The following RBM12B variants were observed in gnomAD, a reference collection of about 807,000 sequenced individuals.
RBM12B encodes RNA binding motif protein 12B.
RBM12B carries 10 observed loss-of-function variants against 34.3 expected under a neutral mutation model. The observed-to-expected ratio is 0.29, with a 90% CI of 0.18 to 0.49. The LOEUF (loss-of-function observed/expected upper bound fraction) is 0.49, where lower values mean the gene tolerates loss of function less well. RBM12B is among the 20% of genes least tolerant of loss of function. RBM12B has a pLI of 0.99. For missense variants in RBM12B, 1,139 were observed against 1,262.7 expected, an observed-to-expected ratio of 0.90 and a Z score of 1.48; for synonymous variants, 477 against 437.1, an observed-to-expected ratio of 1.09 and a Z score of -1.14.
At position 93,735,526 on chromosome 8, in the gene RBM12B, A is replaced by T. The variant is rs1171133197; in HGVS notation, c.885T>A (p.Ile295=). 1 of 1,613,866 alleles carries T rather than the reference A, an allele frequency of 6.2e-7. No homozygotes were observed. The highest frequency in any genetic ancestry group is 2.2e-5 in the East Asian group (1 of 44,884). ...AGAAATTTCTTAAATCTCTTTCGTCAATACTGAGGGACAGATTTTTTAAGT... is the reference window on the plus strand; with the variant it reads ...AGAAATTTCTTAAATCTCTTTCGTCTATACTGAGGGACAGATTTTTTAAGT... ...YVHLKNLSLS[I]DERDLRNFFR... is the part of the protein sequence containing the mutation. The change falls in exon 4 of 4, where the codon ATT becomes ATA. Residue 295 remains isoleucine, a synonymous_variant. Transcript: ENST00000520560.
chr8:93,734,634 C>T lies in RBM12B; in HGVS notation c.1777G>A (p.Glu593Lys), dbSNP rs1480970206. The T allele has an allele frequency of 6.2e-7, 1 of 1,613,826 alleles. No homozygotes were observed. The highest frequency in any genetic ancestry group is 1.7e-5 in the Admixed American group (1 of 60,000). The change falls in exon 4 of 4, where the codon GAG (glutamate) becomes AAG (lysine). Residue 593 changes from glutamate (E) to lysine (K), a missense_variant. Physicochemically the swap from Glu to Lys is moderately conservative, Grantham distance 56. This residue lies in a region of RBM12B where 863 missense variants were observed against 869.5 expected (regional missense o/e 0.99). Transcript: ENST00000520560. The part of the protein sequence containing the change: ...REEDFRRPSE[E>K]DFRRPWEEDF... ...TCCTCCCAAGGGCGCCTGAAGTCCT[C>T]CTCAGAAGGCCGCCTGAAGTCTTCC... is the stretch of plus-strand genomic sequence containing the variant.
chr8:93,738,288 C>T (rs571364238), intron 2 of RBM12B, among the ~76,000 whole-genome samples: 2 of 152,250 alleles, frequency 1.3e-5, no homozygotes, highest in Admixed American at 6.5e-5. Context: ...ACTAAGGAAA[C>T]CCAAATGATG....
At position 93,734,970 on chromosome 8, in the gene RBM12B, G is replaced by C; in HGVS notation, c.1441C>G (p.Gln481Glu). ...ACAGAAAAATTTACACCAAACTCCT[G>C]TATTTGTGCCTCAGATATAAGTCTT... ...LLRLISEAQI[Q>E]EFGVNFSVMS... The change falls in exon 4 of 4, where the codon CAG becomes GAG. Residue 481 changes from glutamine to glutamate, a missense_variant. Gln to Glu is a conservative substitution (Grantham distance 29). This residue lies in a region of RBM12B where 863 missense variants were observed against 869.5 expected (regional missense o/e 0.99). Coordinates refer to ENST00000520560, the MANE Select transcript of RBM12B (RefSeq NM_001377960.1). 1 of 1,614,090 alleles carries C rather than the reference G, an allele frequency of 6.2e-7. No homozygotes were observed. Among genetic ancestry groups the C allele is most frequent in the Non-Finnish European group, 8.5e-7 (1 of 1,180,020 alleles).
In RBM12B at chr8:93,735,868, A is replaced by G; in HGVS notation, c.543T>C (p.Asp181=). 1.2e-6 allele frequency: 2 copies of G among 1,614,082 alleles called. No homozygotes were observed. The highest frequency in any genetic ancestry group is 1.7e-6 in the Non-Finnish European group (2 of 1,180,028). ...CATGATGTTTTAAGAAAATTACTCCATCCACGCACAAACCAGAGAAAAAGA... is the reference window on the plus strand; with the variant it reads ...CATGATGTTTTAAGAAAATTACTCCGTCCACGCACAAACCAGAGAAAAAGA... The part of the protein sequence containing the change: ...VRVFFSGLCV[D]GVIFLKHHDG... The change falls in exon 4 of 4, where the codon GAT becomes GAC. Residue 181 remains aspartate, a synonymous_variant. Transcript: ENST00000520560.
At position 93,734,234 on chromosome 8, in the gene RBM12B, G is replaced by T. The variant is rs771360400; in HGVS notation, c.2177C>A (p.Pro726Gln). 6.2e-7 allele frequency: 1 copy of T among 1,606,398 alleles called. No individual in the cohort carries two copies. Among genetic ancestry groups the T allele is most frequent in the Non-Finnish European group, 8.5e-7 (1 of 1,175,554 alleles). The change falls in exon 4 of 4, where the codon CCA becomes CAA. Residue 726 changes from proline to glutamine, a missense_variant. This residue lies in a region of RBM12B where 863 missense variants were observed against 869.5 expected (regional missense o/e 0.99). Coordinates refer to ENST00000520560, the MANE Select transcript of RBM12B (RefSeq NM_001377960.1). ...RQSPQEHFRR[P>Q]PQEHFRRPPP... ...TGGCCGACGGAAATGCTCCTGAGGT[G>T]GCCTCCGGAAATGCTCCTGGGGTGA...
intron 2 of RBM12B, among the ~76,000 whole-genome samples, chr8:93,738,227 A>G (rs1812082591): frequency 6.6e-6 from 1 of 152,242 alleles, no homozygotes; most frequent in African/African-American, 2.4e-5. Flanking sequence ...TATTTATCTT[A>G]TTAATAATGC....
In RBM12B at chr8:93,733,514, G is replaced by A. The variant is rs1811862623; in HGVS notation, c.2897C>T (p.Thr966Ile). 1.2e-6 allele frequency: 2 copies of A among 1,611,228 alleles called. No homozygotes were observed. The highest frequency in any genetic ancestry group is 1.7e-6 in the Non-Finnish European group (2 of 1,177,950). The stretch of plus-strand genomic sequence containing the variant: ...TATCATAGCAACAATGGCTTCCCCT[G>A]TAGGTAAGCCTTGCTCATTATACTG... ...SIQYNEQGLP[T>I]GEAIVAMINY... Residue 966 changes from threonine (T) to isoleucine (I), a missense_variant, in exon 4 of 4, where the codon ACA (threonine) becomes ATA (isoleucine). Coordinates refer to ENST00000520560, the MANE Select transcript of RBM12B (RefSeq NM_001377960.1).
chr8:93,734,047 C>T lies in RBM12B; in HGVS notation c.2364G>A (p.Arg788=). Residue 788 remains arginine (R), a synonymous_variant, in exon 4 of 4, where the codon AGG becomes AGA. Transcript: ENST00000520560. ...GCCTGAAATGCTCCTGAGGCGGCCG[C>T]CTGAAATGCTCCTGGGGCGGTCTCC... ...HFRRPPQEHF[R]RPPQEHFRRS... 2.2e-5 allele frequency: 35 copies of T among 1,593,664 alleles called. No individual in the cohort carries two copies. The highest frequency in any genetic ancestry group is 3.0e-5 in the Non-Finnish European group (35 of 1,173,048).
chr8:93,732,335 C>G lies in RBM12B; in HGVS notation c.*1070G>C, dbSNP rs1419683483. 1 of 152,140 alleles carries G rather than the reference C, an allele frequency of 6.6e-6. No individual in the cohort carries two copies. The highest frequency in any genetic ancestry group is 1.5e-5 in the Non-Finnish European group (1 of 68,016). 9.4% of individuals were successfully genotyped at this position (152,140 alleles called of 1,614,324 possible). On this transcript the variant is annotated 3_prime_UTR_variant, in exon 4 of 4. Transcript: ENST00000520560. Reference sequence around the variant, plus strand: ...TATAGAAAATCAAATTCCCTAGTTGCAAAATGTATGCACTAAATGCTGAAT... The same window carrying G: ...TATAGAAAATCAAATTCCCTAGTTGGAAAATGTATGCACTAAATGCTGAAT...
rs1193248387 is a variant in RBM12B, at chr8:93,735,141, G to A, written c.1270C>T (p.Leu424Phe). ...AAGTAAATGTCATCCTCAGCAAGAA[G>A]AAAGTCTGCAAAGAACTTCTGCACT... ...VEVQKFFADFLLAEDDIYLLY... is the reference protein window; with the variant it reads ...VEVQKFFADFFLAEDDIYLLY... Residue 424 changes from leucine to phenylalanine, a missense_variant, in exon 4 of 4, where the codon CTT (leucine) becomes TTT (phenylalanine). Leu to Phe is a conservative substitution (Grantham distance 22). Transcript: ENST00000520560. 1 of 1,614,108 alleles carries A rather than the reference G, an allele frequency of 6.2e-7. No homozygotes were observed. Among genetic ancestry groups the A allele is most frequent in the Non-Finnish European group, 8.5e-7 (1 of 1,180,002 alleles).
At position 93,740,708 on chromosome 8, in the gene RBM12B, G is replaced by A. The variant is rs999578855; in HGVS notation, c.-145-12C>T. The A allele has an allele frequency of 8.4e-5, 30 of 358,794 alleles. No individual in the cohort carries two copies. 22.2% of individuals were successfully genotyped at this position (358,794 alleles called of 1,614,324 possible). A position where few individuals can be genotyped will look rare whatever the true frequency, so the allele number is the denominator to read the frequency against. ...CCACCACATGGAAGCTGACGGGAAA[G>A]GAAGAGTCGGTGTTTTAGCAAGAAA... On this transcript the variant is annotated splice_polypyrimidine_tract_variant and intron_variant, in intron 1 of 3. Coordinates refer to ENST00000520560, the MANE Select transcript of RBM12B (RefSeq NM_001377960.1).
Position 93,734,391 on chromosome 8 carries a change from C to A in RBM12B, c.2020G>T (p.Asp674Tyr). 6.2e-7 allele frequency: 1 copy of A among 1,612,058 alleles called. No individual in the cohort carries two copies. Among genetic ancestry groups the A allele is most frequent in the East Asian group, 2.2e-5 (1 of 44,722 alleles). Residue 674 changes from aspartate to tyrosine, a missense_variant, in exon 4 of 4, where the codon GAC becomes TAC. Asp to Tyr is a radical substitution (Grantham distance 160, BLOSUM62 -3). Around this residue, in one of 3 missense-constraint regions of RBM12B, gnomAD observed 863 missense variants for 869.5 expected, o/e 0.99. Coordinates refer to ENST00000520560, the MANE Select transcript of RBM12B (RefSeq NM_001377960.1). Reference sequence around the variant, plus strand: ...TCCTCCTCTGGGGGCCGTCTCCAGTCCTCCTCAGGTGGCCGCCTGAAATCT... The same window carrying A: ...TCCTCCTCTGGGGGCCGTCTCCAGTACTCCTCAGGTGGCCGCCTGAAATCT... ...EEDFRRPPEE[D>Y]WRRPPEEDFR... is the part of the protein sequence containing the mutation.
chr8:93,729,922 C>T lies in RBM12B; in HGVS notation c.*3483G>A, dbSNP rs1380150916. 6.6e-6 allele frequency: 1 copy of T among 152,178 alleles called. No homozygotes were observed. The highest frequency in any genetic ancestry group is 2.4e-5 in the African/African-American group (1 of 41,452). 9.4% of individuals were successfully genotyped at this position (152,178 alleles called of 1,614,324 possible). ...AATTGAGTATCCTTTATCTGAAGTG[C>T]TTGGGACCAGAAGTATTTAAGACTT... is the stretch of plus-strand genomic sequence containing the variant. On this transcript the variant is annotated 3_prime_UTR_variant, in exon 4 of 4. Coordinates refer to ENST00000520560, the MANE Select transcript of RBM12B (RefSeq NM_001377960.1).
intron 2 of RBM12B, chr8:93,739,014 G>GA (rs1047289790): frequency 4.0e-5 from 6 of 151,810 alleles, no homozygotes; most frequent in African/African-American, 1.2e-4. Context: ...AACAAAAAAA[G>GA]AAAAAAAGCC....
At position 93,733,339 on chromosome 8, in the gene RBM12B, A is replaced by G; in HGVS notation, c.*66T>C. ...TAATTTAAAAAAAAAACACTTTTTT[A>G]AAACAAATGTATTTTACTCCATCAA... On this transcript the variant is annotated 3_prime_UTR_variant, in exon 4 of 4. Transcript: ENST00000520560. The G allele has an allele frequency of 7.7e-7, 1 of 1,296,432 alleles. No homozygotes were observed. The highest frequency in any genetic ancestry group is 2.6e-5 in the South Asian group (1 of 38,958). 80.3% of individuals were successfully genotyped at this position (1,296,432 alleles called of 1,614,324 possible).
rs764869587 is a variant in RBM12B, at chr8:93,734,722, C to T, written c.1689G>A (p.Glu563=). 4.3e-6 allele frequency: 7 copies of T among 1,614,182 alleles called. No individual in the cohort carries two copies. The South Asian group carries it at 6.6e-5, about 15-fold the overall frequency. ...AGTCCTCCGGGGGGAACCTAAAGTC[C>T]TCTGAGGAGTGTCGGAAGTCTTCTG... ...HPPEDFRHSS[E]DFRFPPEDFR... is the part of the protein sequence containing the mutation. Residue 563 remains glutamate (E), a synonymous_variant, in exon 4 of 4, where the codon GAG becomes GAA. Coordinates refer to ENST00000520560, the MANE Select transcript of RBM12B (RefSeq NM_001377960.1).
chr8:93,736,254 C>A lies in RBM12B; in HGVS notation c.157G>T (p.Ala53Ser), dbSNP rs1225563620. 1 of 1,614,072 alleles carries A rather than the reference C, an allele frequency of 6.2e-7. No homozygotes were observed. The highest frequency in any genetic ancestry group is 1.1e-5 in the South Asian group (1 of 91,068). The part of the protein sequence containing the change: ...AFIIFATDED[A>S]RRAISRSGGF... ...CCTGAACGACTTATGGCACGTCTTG[C>A]ATCTTCATCTGTTGCAAAAATAATA... The change falls in exon 4 of 4, where the codon GCA (alanine) becomes TCA (serine). Residue 53 changes from alanine (A) to serine (S), a missense_variant. Coordinates refer to ENST00000520560, the MANE Select transcript of RBM12B (RefSeq NM_001377960.1).
rs371306525 is a variant in RBM12B, at chr8:93,733,544, G to A, written c.2867C>T (p.Ser956Leu). ...TAAGCCTTGCTCATTATACTGTATC[G>A]AAACTGAATCAGGTATGATTCTGTA... is the stretch of plus-strand genomic sequence containing the variant. Reference protein sequence around the residue: ...HGYRIIPDSVSIQYNEQGLPT... With the variant: ...HGYRIIPDSVLIQYNEQGLPT... The change falls in exon 4 of 4, where the codon TCG becomes TTG. Residue 956 changes from serine (S) to leucine (L), a missense_variant. Coordinates refer to ENST00000520560, the MANE Select transcript of RBM12B (RefSeq NM_001377960.1). The A allele has an allele frequency of 1.2e-5, 20 of 1,613,252 alleles. No individual in the cohort carries two copies. In the African/African-American group the frequency reaches 1.3e-4, roughly 11 times the overall value.
rs757763737 is a variant in RBM12B at position 93,734,839 on chromosome 8, A to G, written c.1572T>C (p.Phe524=). 1 of 1,614,156 alleles carries G rather than the reference A, an allele frequency of 6.2e-7. No individual in the cohort carries two copies. ...KDPPIYSVGA[F]ENFRHQLEDL... is the part of the protein sequence containing the mutation. ...CCTCTAGCTGATGTCTAAAGTTTTC[A>G]AAAGCACCAACTGAGTATATTGGTG... The change falls in exon 4 of 4, where the codon TTT becomes TTC. Residue 524 remains phenylalanine, a synonymous_variant. Transcript: ENST00000520560.
Sources: allele counts gnomAD v4.1 joint callset (sites outside exome capture counted in the v4.1 genomes callset), GRCh38; gene constraint gnomAD v4.1.1; regional missense constraint gnomAD v4.1.1; transcripts MANE v1.5; gene names NCBI Gene and HGNC (gene_info 2026-07-23, HGNC 2026-07-21).